ANKRD36B: variants seen among roughly 807,000 people sequenced by gnomAD.
ANKRD36B encodes ankyrin repeat domain 36B.
In ANKRD36B, 37 loss-of-function variants were observed where a neutral mutation model predicts 135.7. The ratio of observed to expected loss-of-function variants is 0.27; its 90% CI spans 0.21 to 0.36. ANKRD36B has a LOEUF of 0.36. Among genes scored for constraint, ANKRD36B ranks in the 10% least tolerant of loss-of-function variants. ANKRD36B has a pLI of 1.00. For synonymous variants in ANKRD36B, 179 were observed against 348.1 expected (o/e 0.51, Z 5.41); for missense variants, 549 against 1,037.1 (o/e 0.53, Z 6.46).
chr2:97,529,314 C>T lies in ANKRD36B; in HGVS notation c.2265+2997G>A, dbSNP rs1367611383. The stretch of plus-strand genomic sequence containing the variant: ...CCAAAGACAAAAACCACATGATTAT[C>T]TCAATAGATGCAGAAAAGGCCTTTG... On this transcript the variant is annotated intron_variant, in intron 35 of 43. Transcript: ENST00000359901. Among the ~76,000 whole-genome samples the T allele has an allele frequency of 4.2e-5, 4 of 95,980 alleles. 2 individuals are homozygous for T. Among genetic ancestry groups the T allele is most frequent in the African/African-American group, 1.3e-4 (4 of 31,888 alleles). 63.0% of individuals were successfully genotyped at this position (95,980 alleles called of 152,430 possible).
Position 97,589,861 on chromosome 2 carries a change from G to T in ANKRD36B, c.-176C>A, listed in dbSNP as rs1028572716. 2.0e-5 allele frequency: 18 copies of T among 887,990 alleles called. No homozygotes were observed. The highest frequency in any genetic ancestry group is 2.9e-5 in the Non-Finnish European group (17 of 580,864). The allele number at this position is 887,990 out of a possible 1,614,324, so 55.0% of individuals were successfully genotyped here. ...TCTCAGCGCCTCCCGCCTCTCCGCA[G>T]AAACGCCCAACAGAAGGGTTAGAAC... On this transcript the variant is annotated 5_prime_UTR_variant, in exon 1 of 44. The change creates a new upstream start codon in the 5' untranslated region. Coordinates refer to ENST00000359901, the MANE Select transcript of ANKRD36B (RefSeq NM_001393939.1).
intron 6 of ANKRD36B, among the ~76,000 whole-genome samples, chr2:97,573,693 A>G (rs2082041558): frequency 6.6e-6 from 1 of 152,258 alleles, no homozygotes; most frequent in Admixed American, 6.5e-5. Flanking sequence ...AAATGGAGAT[A>G]TAGACCAATG....
intron 3 of ANKRD36B, among the ~76,000 whole-genome samples, chr2:97,582,276 C>T (rs1041433300): frequency 3.9e-5 from 6 of 152,096 alleles, no homozygotes; most frequent in Non-Finnish European, 8.8e-5. Context: ...ACACCACCAT[C>T]TAAATTCAAA....
chr2:97,496,570 T>G (rs962101706), intron 43 of ANKRD36B, among the ~76,000 whole-genome samples: 1 of 59,872 alleles, frequency 1.7e-5, no homozygotes, highest in African/African-American at 5.4e-5. Flanking sequence ...TGACTCTTTA[T>G]GTACTGGCTA....
rs370108343 is a variant in ANKRD36B at position 97,556,955 on chromosome 2, C to T, written c.1051G>A (p.Gly351Ser). Residue 351 changes from glycine to serine, a missense_variant, in exon 12 of 44, where the codon GGT becomes AGT. Gly to Ser is a moderately conservative substitution (Grantham distance 56, BLOSUM62 0). Transcript: ENST00000359901. ...LLNIATRIMG[G>S]GKSGTVSSQK... is the part of the protein sequence containing the mutation. ...AAATTACCTGTTCCAGATTTCCCAC[C>T]GCCCATTATTCTTGTGGCAATATTC... 35 of 1,591,486 alleles carry T rather than the reference C, an allele frequency of 2.2e-5. No individual in the cohort carries two copies. Among genetic ancestry groups the T allele is most frequent in the Non-Finnish European group, 2.7e-5 (31 of 1,169,272 alleles).
At position 97,529,988 on chromosome 2, in the gene ANKRD36B, T is replaced by C. The variant is rs1164579431; in HGVS notation, c.2265+2323A>G. 2.1e-5 allele frequency among the ~76,000 whole-genome samples: 2 copies of C among 95,554 alleles called. 1 individual carries two copies. Among genetic ancestry groups the C allele is most frequent in the Non-Finnish European group, 5.5e-5 (2 of 36,166 alleles). The allele number at this position is 95,554 out of a possible 152,430, so 62.7% of individuals were successfully genotyped here. A position where few individuals can be genotyped will look rare whatever the true frequency, so the allele number is the denominator to read the frequency against. The stretch of plus-strand genomic sequence containing the variant: ...AAAATGGCCATACTGCCCGAGGTAA[T>C]TTATAGAATCAGTGCCATCCCCATC... On this transcript the variant is annotated intron_variant, in intron 35 of 43. Coordinates refer to ENST00000359901, the MANE Select transcript of ANKRD36B (RefSeq NM_001393939.1).
chr2:97,543,220 G>A (rs1176060853), intron 26 of ANKRD36B, among the ~76,000 whole-genome samples: 2 of 150,476 alleles, frequency 1.3e-5, no homozygotes, highest in Non-Finnish European at 3.0e-5. Flanking sequence ...TCTTCTTTAT[G>A]CAAATATGCT....
chr2:97,577,067 AAATT>A (rs1469208862), intron 5 of ANKRD36B, among the ~76,000 whole-genome samples: 6 of 152,038 alleles, frequency 3.9e-5, no homozygotes, highest in Admixed American at 2.6e-4. Flanking sequence ...ATTCATAAAT[AAATT>A]AATTTATGAA....
intron 6 of ANKRD36B, among the ~76,000 whole-genome samples, chr2:97,567,656 T>C (rs1197190715): frequency 2.6e-5 from 4 of 152,202 alleles, no homozygotes; most frequent in Non-Finnish European, 5.9e-5. Flanking sequence ...ATAAAATTTA[T>C]GTATACACAT....
rs1277192703 is a variant in ANKRD36B, at chr2:97,532,668, A to C, written c.2192-284T>G. On this transcript the variant is annotated intron_variant, in intron 34 of 43. Coordinates refer to ENST00000359901, the MANE Select transcript of ANKRD36B (RefSeq NM_001393939.1). ...AGCCCGGGAGGTGGAGCTTGCAGTG[A>C]GCTGAAGATCTCACCACTGCACCTC... is the stretch of plus-strand genomic sequence containing the variant. 1.4e-4 allele frequency among the ~76,000 whole-genome samples: 13 copies of C among 90,234 alleles called. 6 individuals carry two copies. The highest frequency in any genetic ancestry group is 3.8e-4 in the Non-Finnish European group (13 of 34,464). 59.2% of individuals were successfully genotyped at this position (90,234 alleles called of 152,430 possible).
intron 5 of ANKRD36B, among the ~76,000 whole-genome samples, chr2:97,578,496 T>C (rs1238048505): frequency 6.6e-6 from 1 of 152,088 alleles, no homozygotes; most frequent in Non-Finnish European, 1.5e-5. Context: ...AAAAATTCCA[T>C]GATCAGGCTA....
chr2:97,573,639 T>A (rs539621998), intron 6 of ANKRD36B, among the ~76,000 whole-genome samples: 1 of 152,210 alleles, frequency 6.6e-6, no homozygotes, highest in East Asian at 1.9e-4. Flanking sequence ...CTTCAAACTA[T>A]ACTACAAGGC....
At chr2:97,561,260 A>G (rs71429360) in intron 6 of ANKRD36B, among the ~76,000 whole-genome samples, 1 of 152,016 alleles carries the variant, frequency 6.6e-6, no homozygotes, top group East Asian at 1.9e-4. Flanking sequence ...AAGATATCAG[A>G]ATGATTTGGA....
At chr2:97,509,255 GAA>G (rs368727134) in intron 40 of ANKRD36B, among the ~76,000 whole-genome samples, 1 of 49,140 alleles carries the variant, frequency 2.0e-5, no homozygotes, top group African/African-American at 6.1e-5. Context: ...TGTTTAACAG[GAA>G]AAAAAAACTC....
intron 16 of ANKRD36B, among the ~76,000 whole-genome samples, chr2:97,551,740 A>G (rs2080090354): frequency 6.6e-6 from 1 of 152,020 alleles, no homozygotes; most frequent in Admixed American, 6.6e-5. Context: ...AAGGTTGTCA[A>G]CATCAATGTC....
intron 6 of ANKRD36B, among the ~76,000 whole-genome samples, chr2:97,570,623 T>G (rs1265220955): frequency 1.3e-5 from 2 of 152,154 alleles, no homozygotes; most frequent in African/African-American, 4.8e-5. Context: ...ATATTGCCCA[T>G]GTGCTGTCAA....
chr2:97,589,796 C>G lies in ANKRD36B; in HGVS notation c.-111G>C, dbSNP rs938754302. On this transcript the variant is annotated 5_prime_UTR_variant, in exon 1 of 44. Transcript: ENST00000359901. The stretch of plus-strand genomic sequence containing the variant: ...GGGGATCGCCGCCTCCGAAGAGCAA[C>G]AACAGGCAAAGCAGTCTGTGCACGG... The G allele has an allele frequency of 1.0e-5, 16 of 1,547,092 alleles. No homozygotes were observed. The highest frequency in any genetic ancestry group is 1.2e-5 in the Non-Finnish European group (14 of 1,131,200).
chr2:97,550,676 G>C (rs1360164976), intron 18 of ANKRD36B, among the ~76,000 whole-genome samples: 2 of 151,820 alleles, frequency 1.3e-5, no homozygotes, highest in Non-Finnish European at 2.9e-5. Flanking sequence ...TTCAAGCACT[G>C]TTTCCTGCTT....
chr2:97,557,222 C>T (rs2104732770), intron 10 of ANKRD36B, 90 bp from the exon 11 acceptor site: 19 of 1,494,702 alleles, frequency 1.3e-5, no homozygotes, highest in East Asian at 2.5e-5. Context: ...AAGCTGTATC[C>T]TCCCGCCTGC....
Sources: gnomAD v4.1 joint callset for allele counts (sites outside exome capture counted in the v4.1 genomes callset) on GRCh38, gnomAD v4.1.1 for gene constraint, MANE v1.5 for transcripts, NCBI Gene and HGNC (gene_info 2026-07-23, HGNC 2026-07-21) for gene names.